The following RASGRP3 variants were observed in gnomAD, a reference collection of about 807,000 sequenced individuals.
RASGRP3 encodes ras guanyl-releasing protein 3.
A neutral mutation model predicts 82.7 loss-of-function variants in RASGRP3; 54 were observed. That is an observed-to-expected ratio of 0.65 (90% CI 0.52 to 0.82). The LOEUF (loss-of-function observed/expected upper bound fraction) is 0.82. Ranked by LOEUF, RASGRP3 falls within the 40% of genes least tolerant of loss-of-function variation. RASGRP3 has a pLI of 0.00. For missense variants in RASGRP3, 861 were observed against 828.9 expected (o/e 1.04, Z -0.48); for synonymous variants, 309 against 300.5 (o/e 1.03, Z -0.29).
At chr2:33,525,121 A>G (rs1258799758) in intron 9 of RASGRP3, among the ~76,000 whole-genome samples, 3 of 151,190 alleles carry the variant, frequency 2.0e-5, no homozygotes, top group African/African-American at 7.3e-5. Flanking sequence ...AACTCAACAT[A>G]TTGTAGTGGT....
At position 33,558,254 on chromosome 2, in the gene RASGRP3, T is replaced by A; in HGVS notation, c.1623T>A (p.Val541=). 6.2e-7 allele frequency: 1 copy of A among 1,613,030 alleles called. No homozygotes were observed. The highest frequency in any genetic ancestry group is 8.5e-7 in the Non-Finnish European group (1 of 1,179,566). The change falls in exon 16 of 18, where the codon GTT becomes GTA. Residue 541 remains valine (V), a synonymous_variant. Coordinates refer to ENST00000403687, the MANE Select transcript of RASGRP3 (RefSeq NM_001139488.2). The part of the protein sequence containing the change: ...NCHKQCKDLL[V]LACRRFARAP... ...ACAAACAGTGCAAAGACCTCCTGGTTCTGGCCTGCAGGAGATTTGCCCGGG... is the reference window on the plus strand; with the variant it reads ...ACAAACAGTGCAAAGACCTCCTGGTACTGGCCTGCAGGAGATTTGCCCGGG...
chr2:33,528,051 T>C (rs183683468), intron 10 of RASGRP3, among the ~76,000 whole-genome samples: 125 of 152,282 alleles, frequency 8.2e-4, no homozygotes, highest in African/African-American at 2.9e-3. Flanking sequence ...TCCCAACCCA[T>C]CCATGTGGCA....
intron 2 of RASGRP3, among the ~76,000 whole-genome samples, chr2:33,458,971 A>G (rs888990241): frequency 2.6e-5 from 4 of 152,220 alleles, no homozygotes; most frequent in Admixed American, 2.0e-4. Flanking sequence ...TTAATCAGTT[A>G]GATTTAAGAT....
intron 1 of RASGRP3, among the ~76,000 whole-genome samples, chr2:33,502,319 T>A (rs1356354611): frequency 6.6e-6 from 1 of 151,518 alleles, no homozygotes; most frequent in African/African-American, 2.4e-5. Context: ...GGTTGGGGGG[T>A]GTAGATACCT....
intron 16 of RASGRP3, 142 bp from the exon 17 acceptor site, chr2:33,558,530 C>T: frequency 8.9e-7 from 1 of 1,120,282 alleles, no homozygotes; most frequent in Non-Finnish European, 1.2e-6. Context: ...GAATATGTAA[C>T]TTGCCTGCGG....
chr2:33,530,708 G>T (rs1415100172), intron 10 of RASGRP3, among the ~76,000 whole-genome samples: 2 of 152,062 alleles, frequency 1.3e-5, no homozygotes, highest in Non-Finnish European at 2.9e-5. Context: ...GTGCAGTAAA[G>T]GAAGTAATTA....
intron 17 of RASGRP3, among the ~76,000 whole-genome samples, chr2:33,560,165 C>G (rs1299006580): frequency 6.6e-6 from 1 of 152,170 alleles, no homozygotes; most frequent in African/African-American, 2.4e-5. Context: ...ACCATCACTA[C>G]AATCTAATTT....
chr2:33,554,814 G>A (rs1042784900), intron 14 of RASGRP3, among the ~76,000 whole-genome samples: 1 of 152,102 alleles, frequency 6.6e-6, no homozygotes, highest in Non-Finnish European at 1.5e-5. Flanking sequence ...TCTGTCTGGA[G>A]AGCGAAGACA....
At chr2:33,530,970 T>C (rs1171422265) in intron 10 of RASGRP3, 1 of 152,378 alleles carries the variant, frequency 6.6e-6, no homozygotes, top group East Asian at 1.9e-4. Flanking sequence ...AATCTTTTCA[T>C]GGTATTTTTA....
intron 1 of RASGRP3, among the ~76,000 whole-genome samples, chr2:33,495,722 T>A (rs985277960): frequency 6.6e-6 from 1 of 151,248 alleles, no homozygotes; most frequent in Non-Finnish European, 1.5e-5. Flanking sequence ...TGAGACTTCA[T>A]CTCTTAAAAT....
intron 1 of RASGRP3, among the ~76,000 whole-genome samples, chr2:33,494,651 C>T (rs1425647499): frequency 6.6e-6 from 1 of 152,112 alleles, no homozygotes; most frequent in African/African-American, 2.4e-5. Context: ...CCTCTAAGCA[C>T]GAATAGGTAC....
chr2:33,503,362 C>T (rs1670056883), intron 1 of RASGRP3, among the ~76,000 whole-genome samples: 1 of 152,040 alleles, frequency 6.6e-6, no homozygotes, highest in Non-Finnish European at 1.5e-5. Flanking sequence ...TAGGTATGGA[C>T]TGTGATTTCA....
At position 33,564,378 on chromosome 2, in the gene RASGRP3, G is replaced by A. The variant is rs1337992525; in HGVS notation, c.*1641G>A. The stretch of plus-strand genomic sequence containing the variant: ...TGATTAAGCTGGATAATAAGAGAAC[G>A]TGCCATCTGTAAAGCACTCAGAAGG... On this transcript the variant is annotated 3_prime_UTR_variant, in exon 18 of 18. Coordinates refer to ENST00000403687, the MANE Select transcript of RASGRP3 (RefSeq NM_001139488.2). 6.6e-6 allele frequency: 1 copy of A among 152,176 alleles called. No homozygotes were observed. Among genetic ancestry groups the A allele is most frequent in the Non-Finnish European group, 1.5e-5 (1 of 68,038 alleles). The allele number at this position is 152,176 out of a possible 1,614,324, so 9.4% of individuals were successfully genotyped here. A position where few individuals can be genotyped will look rare whatever the true frequency, so the allele number is the denominator to read the frequency against.
intron 6 of RASGRP3, 140 bp from the exon 7 acceptor site, chr2:33,521,815 C>A (rs1672062649): frequency 9.5e-7 from 1 of 1,049,562 alleles, no homozygotes; most frequent in Non-Finnish European, 1.4e-6. Context: ...GTGGTTTTCT[C>A]TTCCAATATG....
At chr2:33,486,601 C>T (rs1032093582) in intron 1 of RASGRP3, among the ~76,000 whole-genome samples, 4 of 152,172 alleles carry the variant, frequency 2.6e-5, no homozygotes, top group Non-Finnish European at 4.4e-5. Context: ...AATCATCTTA[C>T]AATACATAAA....
chr2:33,451,282 G>A (rs1423613694), intron 2 of RASGRP3, among the ~76,000 whole-genome samples: 1 of 151,976 alleles, frequency 6.6e-6, no homozygotes, highest in Non-Finnish European at 1.5e-5. Flanking sequence ...GAGTTGCTTT[G>A]AGTTCCTTAC....
intron 15 of RASGRP3, among the ~76,000 whole-genome samples, chr2:33,556,043 C>T (rs1675909040): frequency 6.6e-6 from 1 of 152,142 alleles, no homozygotes; most frequent in South Asian, 2.1e-4. Context: ...ATGCTTTCCT[C>T]TATCTTTCCC....
At chr2:33,492,205 C>T (rs1403922279) in intron 1 of RASGRP3, among the ~76,000 whole-genome samples, 1 of 152,124 alleles carries the variant, frequency 6.6e-6, no homozygotes, top group South Asian at 2.1e-4. Flanking sequence ...AAAATGACAT[C>T]GAGTGGTAGA....
intron 14 of RASGRP3, among the ~76,000 whole-genome samples, chr2:33,554,714 C>T (rs1371553258): frequency 6.6e-6 from 1 of 152,168 alleles, no homozygotes; most frequent in Non-Finnish European, 1.5e-5. Context: ...ACCTCGTGAT[C>T]TGCTCTTCTC....
Sources: allele counts gnomAD v4.1 joint callset (sites outside exome capture counted in the v4.1 genomes callset), GRCh38; gene constraint gnomAD v4.1.1; transcripts MANE v1.5; gene names NCBI Gene and HGNC (gene_info 2026-07-23, HGNC 2026-07-21).